The following RPL22 variants were observed in gnomAD, a reference collection of about 807,000 sequenced individuals.
RPL22 encodes ribosomal protein L22, also known as large ribosomal subunit protein eL22.
A neutral mutation model predicts 16.2 loss-of-function variants in RPL22; 4 were observed. The ratio of observed to expected loss-of-function variants is 0.25; its 90% CI spans 0.12 to 0.57. The LOEUF (loss-of-function observed/expected upper bound fraction) is 0.57. Ranked by LOEUF, RPL22 falls within the 20% of genes least tolerant of loss-of-function variation. The pLI is 0.92. For synonymous variants in RPL22, 43 were observed against 54.8 expected (o/e 0.78, Z 0.95); for missense variants, 83 against 156.1 (o/e 0.53, Z 2.49).
At chr1:6,198,715 G>A (rs1187439699) in intron 1 of RPL22, 1 of 152,196 alleles carries the variant, frequency 6.6e-6, no homozygotes, top group African/African-American at 2.4e-5. Flanking sequence ...TCTCTTCGCA[G>A]TAATAATCTA....
At chr1:6,190,367 G>A (rs1013978490) in intron 3 of RPL22, among the ~76,000 whole-genome samples, 2 of 152,126 alleles carry the variant, frequency 1.3e-5, no homozygotes, top group Admixed American at 1.3e-4. Flanking sequence ...ACTTGATTTA[G>A]TATGTTGGTT....
In RPL22 at chr1:6,186,320, C is replaced by A; in HGVS notation, c.*352G>T. ...GAATGAGAGAAGCCCATTTGTATCC[C>A]TGAATCATTGAGAAAAGCAACAGAT... On this transcript the variant is annotated 3_prime_UTR_variant, in exon 4 of 4. Transcript: ENST00000234875. 3.8e-6 allele frequency: 1 copy of A among 265,502 alleles called. No homozygotes were observed. The allele number at this position is 265,502 out of a possible 1,614,324, so 16.4% of individuals were successfully genotyped here. A position where few individuals can be genotyped will look rare whatever the true frequency, so the allele number is the denominator to read the frequency against.
chr1:6,194,866 C>G (rs761635834), intron 2 of RPL22, among the ~76,000 whole-genome samples: 1 of 152,144 alleles, frequency 6.6e-6, no homozygotes, highest in East Asian at 1.9e-4. Context: ...CCAGCCTGGA[C>G]AACAGACCCT....
chr1:6,195,120 G>A (rs193123711), intron 2 of RPL22, among the ~76,000 whole-genome samples: 13 of 150,184 alleles, frequency 8.7e-5, no homozygotes, highest in Admixed American at 7.3e-4. Flanking sequence ...CTGGGCAACA[G>A]AGCAAGACTC....
In RPL22 at chr1:6,197,669, T is replaced by C; in HGVS notation, c.100A>G (p.Met34Val). The stretch of plus-strand genomic sequence containing the variant: ...TAACTTACAAAATTGGCAGCATCCA[T>C]GATTCCATCTTCTACAGGGTGGGTG... ...DCTHPVEDGI[M>V]DAANFEQFLQ... The change falls in exon 2 of 4, where the codon ATG becomes GTG. Residue 34 changes from methionine (M) to valine (V), a missense_variant. Physicochemically the swap from Met to Val is conservative, Grantham distance 21. Coordinates refer to ENST00000234875, the MANE Select transcript of RPL22 (RefSeq NM_000983.4). 1 of 1,612,874 alleles carries C rather than the reference T, an allele frequency of 6.2e-7. No homozygotes were observed. The highest frequency in any genetic ancestry group is 8.5e-7 in the Non-Finnish European group (1 of 1,179,208).
At position 6,199,098 on chromosome 1, in the gene RPL22, C is replaced by T. The variant is rs1667758995; in HGVS notation, c.12+464G>A. The stretch of plus-strand genomic sequence containing the variant: ...TTCCTCTGGGGACGCTAAAAAGCTC[C>T]TCAAACCCAGGCCTCCTCTCCGAAA... On this transcript the variant is annotated intron_variant, in intron 1 of 3. Coordinates refer to ENST00000234875, the MANE Select transcript of RPL22 (RefSeq NM_000983.4). The T allele has an allele frequency of 1.7e-5, 3 of 174,138 alleles. No individual in the cohort carries two copies. In the South Asian group the frequency reaches 4.5e-4, roughly 26 times the overall value. The allele number at this position is 174,138 out of a possible 1,614,324, so 10.8% of individuals were successfully genotyped here.
chr1:6,196,531 T>A (rs560711660), intron 2 of RPL22, among the ~76,000 whole-genome samples: 1 of 152,332 alleles, frequency 6.6e-6, no homozygotes, highest in Admixed American at 6.5e-5. Flanking sequence ...ATGATACTGA[T>A]CCTGGCAATA....
At chr1:6,193,168 CAG>C (rs762316731) in intron 2 of RPL22, 114 bp from the exon 3 acceptor site, 108 of 1,285,742 alleles carry the variant, frequency 8.4e-5, no homozygotes, top group Admixed American at 2.0e-4. Flanking sequence ...GTTTTGGAGA[CAG>C]AGTCTCACCA....
chr1:6,197,275 C>G (rs1667732521), intron 2 of RPL22, among the ~76,000 whole-genome samples: 1 of 152,174 alleles, frequency 6.6e-6, no homozygotes, highest in South Asian at 2.1e-4. Context: ...CATGATCTGC[C>G]CGCCTCAGCC....
chr1:6,191,157 A>G lies in RPL22; in HGVS notation c.242+1773T>C, dbSNP rs138462647. On this transcript the variant is annotated intron_variant, in intron 3 of 3. Coordinates refer to ENST00000234875, the MANE Select transcript of RPL22 (RefSeq NM_000983.4). ...GGTGGATTACGAGGTCAGGAGATCG[A>G]GACCAGCCTGGCCAACATGGTGAAA... Among the ~76,000 whole-genome samples, 1,241 of 151,516 alleles carry G rather than the reference A, an allele frequency of 8.2e-3. 28 individuals are homozygous for G. Among genetic ancestry groups the G allele is most frequent in the African/African-American group, 0.029 (1,177 of 41,268 alleles).
At chr1:6,198,004 CTT>C in intron 1 of RPL22, 1 of 514,232 alleles carries the variant, frequency 1.9e-6, no homozygotes, top group African/African-American at 1.9e-5. Context: ...TTCTAGCACT[CTT>C]GACTCACTCA....
chr1:6,199,534 C>A, intron 1 of RPL22, 28 bp downstream of exon 1: 2 of 1,556,376 alleles, frequency 1.3e-6, no homozygotes, highest in Non-Finnish European at 1.7e-6. Flanking sequence ...TCCCCTGGAG[C>A]CGAGGCCTCA....
At chr1:6,193,200 C>T (rs1571187075) in intron 2 of RPL22, 146 bp from the exon 3 acceptor site, 2 of 890,300 alleles carry the variant, frequency 2.2e-6, no homozygotes, top group East Asian at 5.0e-5. Flanking sequence ...CAGCTCACTG[C>T]AGTCTCAACC....
chr1:6,190,335 A>G (rs145199978), intron 3 of RPL22, among the ~76,000 whole-genome samples: 2 of 152,316 alleles, frequency 1.3e-5, no homozygotes, highest in Admixed American at 6.5e-5. Flanking sequence ...ATTTGTACTA[A>G]CATACCTTAA....
At chr1:6,193,323 A>ATTT (rs755169791) in intron 2 of RPL22, among the ~76,000 whole-genome samples, 1 of 133,106 alleles carries the variant, frequency 7.5e-6, no homozygotes, top group Non-Finnish European at 1.6e-5. Flanking sequence ...TGACTTTACA[A>ATTT]TTTTTTTTTT....
intron 3 of RPL22, among the ~76,000 whole-genome samples, chr1:6,188,180 T>C (rs1479344557): frequency 3.3e-5 from 5 of 152,174 alleles, no homozygotes; most frequent in Non-Finnish European, 7.3e-5. Flanking sequence ...TACAGGTGTA[T>C]AACACCATGT....
chr1:6,189,746 C>G (rs954487694), intron 3 of RPL22, among the ~76,000 whole-genome samples: 4 of 151,908 alleles, frequency 2.6e-5, no homozygotes, highest in Non-Finnish European at 5.9e-5. Flanking sequence ...ATGATGAAAC[C>G]CCCTCTCTAC....
At position 6,186,661 on chromosome 1, in the gene RPL22, A is replaced by G. The variant is rs1667584506; in HGVS notation, c.*11T>C. 6.6e-7 allele frequency: 1 copy of G among 1,512,954 alleles called. No homozygotes were observed. Among genetic ancestry groups the G allele is most frequent in the Non-Finnish European group, 8.9e-7 (1 of 1,121,596 alleles). The allele number at this position is 1,512,954 out of a possible 1,614,324, so 93.7% of individuals were successfully genotyped here. ...CAAGAACTCATACAAAATTTTCCAG[A>G]TAAATGAAATTTAATCCTCGTCTTC... is the stretch of plus-strand genomic sequence containing the variant. On this transcript the variant is annotated 3_prime_UTR_variant, in exon 4 of 4. Transcript: ENST00000234875.
chr1:6,198,872 T>C (rs1667754997), intron 1 of RPL22: 1 of 152,148 alleles, frequency 6.6e-6, no homozygotes, highest in Non-Finnish European at 1.5e-5. Context: ...ACCGGAAATG[T>C]TAACCAGGGA....
Sources: gnomAD v4.1 joint callset for allele counts (sites outside exome capture counted in the v4.1 genomes callset) on GRCh38, gnomAD v4.1.1 for gene constraint, MANE v1.5 for transcripts, NCBI Gene and HGNC (gene_info 2026-07-23, HGNC 2026-07-21) for gene names.